The following PTPRG variants were observed in gnomAD, a reference collection of about 807,000 sequenced individuals.
The protein encoded by PTPRG is protein tyrosine phosphatase receptor type G.
A neutral mutation model predicts 165.3 loss-of-function variants in PTPRG; 102 were observed. That is an observed-to-expected ratio of 0.62 (90% CI 0.53 to 0.73). PTPRG has a LOEUF of 0.73. Ranked by LOEUF, PTPRG falls within the 30% of genes least tolerant of loss-of-function variation. PTPRG has a pLI of 0.00. For synonymous variants in PTPRG, 675 were observed against 669.5 expected, an observed-to-expected ratio of 1.01 and a Z score of -0.13; for missense variants, 1,866 against 1,861.4, an observed-to-expected ratio of 1.00 and a Z score of -0.05.
intron 2 of PTPRG, among the ~76,000 whole-genome samples, chr3:61,973,805 C>G (rs747441866): frequency 6.6e-6 from 1 of 151,476 alleles, no homozygotes; most frequent in African/African-American, 2.4e-5. Flanking sequence ...TGCACTCCAG[C>G]CTTGGTGACA....
chr3:62,150,704 C>T (rs1200631817), intron 6 of PTPRG, among the ~76,000 whole-genome samples: 3 of 152,134 alleles, frequency 2.0e-5, no homozygotes, highest in Admixed American at 2.0e-4. Context: ...CCTGAAGAAA[C>T]CAAATAATCA....
rs147538196 is a variant in PTPRG at position 61,751,736 on chromosome 3, A to G, written c.190+2754A>G. Among the ~76,000 whole-genome samples, 966 of 152,308 alleles carry G rather than the reference A, an allele frequency of 6.3e-3. 6 individuals are homozygous for G. Among genetic ancestry groups the G allele is most frequent in the African/African-American group, 0.022 (915 of 41,558 alleles). On this transcript the variant is annotated intron_variant, in intron 2 of 29. Coordinates refer to ENST00000474889, the MANE Select transcript of PTPRG (RefSeq NM_002841.4). ...CCGGGCGCAGTGGCTCACGCCTGTA[A>G]TCCCAGCACTTTGGGAGGCCGAGGT...
At chr3:62,280,187 A>G (rs1702380204) in intron 26 of PTPRG, among the ~76,000 whole-genome samples, 1 of 152,044 alleles carries the variant, frequency 6.6e-6, no homozygotes, top group African/African-American at 2.4e-5. Context: ...TGCCTTGTAC[A>G]TACAGCCAAC....
chr3:61,943,979 T>C (rs1404894449), intron 2 of PTPRG, among the ~76,000 whole-genome samples: 1 of 152,190 alleles, frequency 6.6e-6, no homozygotes, highest in Non-Finnish European at 1.5e-5. Flanking sequence ...TAATTTAACT[T>C]TTTTTTCGTT....
intron 12 of PTPRG, among the ~76,000 whole-genome samples, chr3:62,208,195 C>CT (rs1332565528): frequency 6.6e-6 from 1 of 152,064 alleles, no homozygotes; most frequent in African/African-American, 2.4e-5. Context: ...TTTCACCAGG[C>CT]TTTTTTCTAG....
intron 4 of PTPRG, among the ~76,000 whole-genome samples, chr3:62,014,499 C>T (rs2041495180): frequency 6.6e-6 from 1 of 151,994 alleles, no homozygotes; most frequent in Non-Finnish European, 1.5e-5. Flanking sequence ...CTTCTAAATC[C>T]CAGCTATTAC....
intron 2 of PTPRG, among the ~76,000 whole-genome samples, chr3:61,937,938 G>A (rs58418583): frequency 1.3e-5 from 2 of 148,766 alleles, no homozygotes; most frequent in South Asian, 4.2e-4. Flanking sequence ...TGATCTTGGG[G>A]TTTTTTTTTT....
intron 4 of PTPRG, among the ~76,000 whole-genome samples, chr3:62,057,097 T>C (rs965922195): frequency 2.0e-5 from 3 of 152,240 alleles, no homozygotes; most frequent in African/African-American, 4.8e-5. Flanking sequence ...ATGACTCTGA[T>C]GGCAGACTGA....
rs1266668322 is a variant in PTPRG at position 61,850,950 on chromosome 3, G to C, written c.190+101968G>C. Reference sequence around the variant, plus strand: ...AGATGAAGCTTGCGTGGGCACCTGTGACTAGGTTTCTGAGAGGCTCCAGCA... The same window carrying C: ...AGATGAAGCTTGCGTGGGCACCTGTCACTAGGTTTCTGAGAGGCTCCAGCA... On this transcript the variant is annotated intron_variant, in intron 2 of 29. Transcript: ENST00000474889. 2.6e-5 allele frequency among the ~76,000 whole-genome samples: 4 copies of C among 152,234 alleles called. 1 individual carries two copies. The highest frequency in any genetic ancestry group is 9.6e-5 in the African/African-American group (4 of 41,462).
At chr3:61,680,373 G>T (rs7636402) in intron 1 of PTPRG, among the ~76,000 whole-genome samples, 52,675 of 151,642 alleles carry the variant, frequency 0.35, 9,756 homozygotes, top group African/African-American at 0.47. Flanking sequence ...ACCAGCATCG[G>T]CCTGCATGAA....
chr3:61,734,781 C>A (rs2032654431), intron 1 of PTPRG, among the ~76,000 whole-genome samples: 1 of 152,132 alleles, frequency 6.6e-6, no homozygotes, highest in South Asian at 2.1e-4. Context: ...ATTGCAGAGT[C>A]ATAAAAGGAT....
chr3:61,751,046 A>G (rs764352263), intron 2 of PTPRG: 3 of 152,266 alleles, frequency 2.0e-5, no homozygotes, highest in Non-Finnish European at 4.4e-5. Context: ...AAAGAAGAAT[A>G]GAATGGGACA....
chr3:61,965,291 G>A lies in PTPRG; in HGVS notation c.191-24334G>A, dbSNP rs566967598. Among the ~76,000 whole-genome samples the A allele has an allele frequency of 1.4e-3, 211 of 150,752 alleles. 3 individuals are homozygous for A. The highest frequency in any genetic ancestry group is 5.5e-4 in the Non-Finnish European group (37 of 67,716). On this transcript the variant is annotated intron_variant, in intron 2 of 29. Coordinates refer to ENST00000474889, the MANE Select transcript of PTPRG (RefSeq NM_002841.4). ...ATGACTACAGTGTTAAGCTACGGTGGCTCACACCCAACATGGTGAAACCCC... is the reference window on the plus strand; with the variant it reads ...ATGACTACAGTGTTAAGCTACGGTGACTCACACCCAACATGGTGAAACCCC...
At chr3:61,577,632 A>G (rs1243957108) in intron 1 of PTPRG, among the ~76,000 whole-genome samples, 1 of 152,222 alleles carries the variant, frequency 6.6e-6, no homozygotes, top group Non-Finnish European at 1.5e-5. Flanking sequence ...GTTTCATGTG[A>G]CTACCATAAA....
In PTPRG at chr3:62,203,383, C is replaced by T. The variant is rs1246737827; in HGVS notation, c.1588C>T (p.Pro530Ser). The change falls in exon 12 of 30, where the codon CCC becomes TCC. Residue 530 changes from proline to serine, a missense_variant. Pro to Ser is a moderately conservative substitution (Grantham distance 74). This residue lies in a region of PTPRG where 1,452 missense variants were observed against 1,463.0 expected (regional missense o/e 0.99). Coordinates refer to ENST00000474889, the MANE Select transcript of PTPRG (RefSeq NM_002841.4). The surrounding 1 kb of genome is among the most constrained non-coding windows in gnomAD (Gnocchi z 6.4). ...CGGCGGTGGTGGCATCTCCTCTTTC[C>T]CCAGCACTGTGTGGCCCACGCGCCT... ...GFGGGGISSF[P>S]STVWPTRLPT... 4 of 1,613,434 alleles carry T rather than the reference C, an allele frequency of 2.5e-6. No individual in the cohort carries two copies. The East Asian group carries it at 6.7e-5, about 27-fold the overall frequency.
chr3:62,161,698 C>T (rs1704767527), intron 7 of PTPRG, among the ~76,000 whole-genome samples: 1 of 152,190 alleles, frequency 6.6e-6, no homozygotes, highest in Non-Finnish European at 1.5e-5. Flanking sequence ...TCATGCAAAA[C>T]TGACTGTAGC....
At position 62,210,366 on chromosome 3, in the gene PTPRG, A is replaced by T. The variant is rs143053014; in HGVS notation, c.2155+6416A>T. Reference sequence around the variant, plus strand: ...AGTTTTGTGGCCCTGTAAAAACAGCAGCCACCTTATCATTTCACACCCGTT... The same window carrying T: ...AGTTTTGTGGCCCTGTAAAAACAGCTGCCACCTTATCATTTCACACCCGTT... On this transcript the variant is annotated intron_variant, in intron 12 of 29. Transcript: ENST00000474889. This position sits in a 1 kb window ranked among gnomAD's most constrained non-coding sequence, Gnocchi z 4.1. Among the ~76,000 whole-genome samples the T allele has an allele frequency of 1.2e-3, 177 of 152,356 alleles. 2 individuals are homozygous for T. Among genetic ancestry groups the T allele is most frequent in the Middle Eastern group, 0.01 (3 of 292 alleles).
chr3:61,636,209 T>C (rs1701904187), intron 1 of PTPRG, among the ~76,000 whole-genome samples: 1 of 152,196 alleles, frequency 6.6e-6, no homozygotes. Flanking sequence ...AGAATTCATA[T>C]AGTATACAGT....
chr3:62,175,557 G>T (rs936266783), intron 8 of PTPRG, among the ~76,000 whole-genome samples: 2 of 152,192 alleles, frequency 1.3e-5, no homozygotes, highest in African/African-American at 4.8e-5. Flanking sequence ...AACAACCTCT[G>T]CCAGGATTTG....
Sources: gnomAD v4.1 joint callset for allele counts (sites outside exome capture counted in the v4.1 genomes callset) on GRCh38, gnomAD v4.1.1 for gene constraint, gnomAD v4.1.1 regional missense constraint, Gnocchi (gnomAD v3.1) non-coding constraint, MANE v1.5 for transcripts, NCBI Gene and HGNC (gene_info 2026-07-23, HGNC 2026-07-21) for gene names.